Variants in GRSF1 observed in about 807,000 individuals in gnomAD.
GRSF1 encodes the protein G-rich sequence factor 1.
Under a neutral mutation model 51.1 loss-of-function variants are expected in GRSF1, and 50 were observed. The ratio of observed to expected loss-of-function variants is 0.98; its 90% CI spans 0.78 to 1.24. The LOEUF is 1.24. GRSF1 is among the 50% of genes most tolerant of loss of function. The pLI is 0.00. For missense variants in GRSF1, 700 were observed against 639.7 expected (o/e 1.09, Z -1.02); for synonymous variants, 293 against 253.3 (o/e 1.16, Z -1.49).
chr4:70,840,499 C>T (rs1408219214), upstream of GRSF1, among the ~76,000 whole-genome samples: 2 of 152,142 alleles, frequency 1.3e-5, no homozygotes, highest in South Asian at 2.1e-4. Context: ...CGGTGGCTCC[C>T]GCCTGTAATC....
chr4:70,823,151 T>C (rs776125087), intron 9 of GRSF1, among the ~76,000 whole-genome samples: 10 of 152,066 alleles, frequency 6.6e-5, no homozygotes, highest in Non-Finnish European at 1.3e-4. Flanking sequence ...ATCCCAGCAC[T>C]TTGGGAGGCC....
At chr4:70,839,028 G>A (rs190164489) in intron 1 of GRSF1, 36 of 780,468 alleles carry the variant, frequency 4.6e-5, no homozygotes, top group East Asian at 1.9e-4. Context: ...GCGGCCGACC[G>A]AGAGGCGCCG....
chr4:70,833,233 G>A lies in GRSF1; in HGVS notation c.555C>T (p.Leu185=). 2 of 1,613,838 alleles carry A rather than the reference G, an allele frequency of 1.2e-6. No individual in the cohort carries two copies. The highest frequency in any genetic ancestry group is 1.6e-4 in the Middle Eastern group (1 of 6,062). ...CCCTTCGTTTCCCATCTCTGTTTAGGAGAAAATGTATTCCATTCTCACCGT... is the reference window on the plus strand; with the variant it reads ...CCCTTCGTTTCCCATCTCTGTTTAGAAGAAAATGTATTCCATTCTCACCGT... ...IRNGENGIHF[L]LNRDGKRRGD... The change falls in exon 3 of 10, where the codon CTC becomes CTT. Residue 185 remains leucine (L), a synonymous_variant. Transcript: ENST00000254799.
At chr4:70,838,913 G>C (rs1734336059) in intron 1 of GRSF1, 1 of 338,722 alleles carries the variant, frequency 3.0e-6, no homozygotes, top group East Asian at 8.4e-5. Context: ...AGTAAACCGG[G>C]ACAGCTCGTC....
Position 70,818,641 on chromosome 4 carries a change from A to T in GRSF1, c.*2246T>A, listed in dbSNP as rs886294139. On this transcript the variant is annotated 3_prime_UTR_variant, in exon 10 of 10. Coordinates refer to ENST00000254799, the MANE Select transcript of GRSF1 (RefSeq NM_002092.4). ...TTCAGATGAGACCACAATATTCAGCAATCAGCTCCCTGGTATTTACATACT... is the reference window on the plus strand; with the variant it reads ...TTCAGATGAGACCACAATATTCAGCTATCAGCTCCCTGGTATTTACATACT... 2 of 152,236 alleles carry T rather than the reference A, an allele frequency of 1.3e-5. No homozygotes were observed. Among genetic ancestry groups the T allele is most frequent in the Non-Finnish European group, 1.5e-5 (1 of 68,058 alleles). The allele number at this position is 152,236 out of a possible 1,614,324, so 9.4% of individuals were successfully genotyped here.
chr4:70,833,324 T>G (rs1373697457), intron 2 of GRSF1, 51 bp from the exon 3 acceptor site: 23 of 1,515,232 alleles, frequency 1.5e-5, no homozygotes, highest in Non-Finnish European at 1.9e-5. Context: ...AACTTTTAGC[T>G]CAATTATGTA....
In GRSF1 at chr4:70,839,867, C is replaced by T; in HGVS notation, c.-40G>A. The T allele has an allele frequency of 1.4e-6, 2 of 1,438,336 alleles. No homozygotes were observed. Among genetic ancestry groups the T allele is most frequent in the Non-Finnish European group, 1.8e-6 (2 of 1,104,162 alleles). The allele number at this position is 1,438,336 out of a possible 1,614,324, so 89.1% of individuals were successfully genotyped here. ...GCGCAGGGCCTGAAGGCAGCTGCTC[C>T]AGCAGCGATGGTGGAACGGAAGTGG... On this transcript the variant is annotated 5_prime_UTR_variant, in exon 1 of 10. Transcript: ENST00000254799.
intron 5 of GRSF1, among the ~76,000 whole-genome samples, chr4:70,830,475 C>G (rs112747262): frequency 0.016 from 2,403 of 150,170 alleles, 79 homozygotes; most frequent in African/African-American, 0.054. Flanking sequence ...CACACACACA[C>G]AGAGAATTAT....
chr4:70,829,350 GT>G (rs71211964), intron 5 of GRSF1, among the ~76,000 whole-genome samples: 133,054 of 147,674 alleles, frequency 0.9, 61,065 homozygotes, highest in East Asian at 1. Flanking sequence ...GTTTTTTTTT[GT>G]TTTTTTTTTT....
chr4:70,837,563 C>CAAAAAA (rs11419852), intron 1 of GRSF1, among the ~76,000 whole-genome samples: 8 of 89,100 alleles, frequency 9.0e-5, no homozygotes, highest in African/African-American at 3.2e-4. Context: ...GACTCCGTCT[C>CAAAAAA]AAAAAAAAAA....
At chr4:70,831,392 T>G in intron 5 of GRSF1, 147 bp downstream of exon 5, 1 of 639,670 alleles carries the variant, frequency 1.6e-6, no homozygotes, top group Non-Finnish European at 2.5e-6. Flanking sequence ...AAAAAATTGT[T>G]AATCTAAATT....
intron 5 of GRSF1, among the ~76,000 whole-genome samples, chr4:70,829,574 A>G (rs1433009896): frequency 6.6e-6 from 1 of 152,156 alleles, no homozygotes; most frequent in African/African-American, 2.4e-5. Flanking sequence ...GGATTGCTTG[A>G]GCCCAGGAGG....
At chr4:70,825,158 T>C (rs561072243) in intron 8 of GRSF1, 138 bp downstream of exon 8, 53 of 568,700 alleles carry the variant, frequency 9.3e-5, no homozygotes, top group African/African-American at 8.5e-4. Flanking sequence ...TAGTGTTTTA[T>C]CTGTTACGTT....
intron 6 of GRSF1, 39 bp from the exon 7 acceptor site, chr4:70,826,284 G>A (rs957895288): frequency 2.4e-5 from 37 of 1,545,032 alleles, no homozygotes; most frequent in Admixed American, 8.6e-5. Context: ...AAACATAACA[G>A]CTTCAAGGGT....
At chr4:70,830,576 T>C (rs1385866970) in intron 5 of GRSF1, among the ~76,000 whole-genome samples, 3 of 152,188 alleles carry the variant, frequency 2.0e-5, no homozygotes, top group Non-Finnish European at 2.9e-5. Flanking sequence ...CCCAGCACTT[T>C]TGGAGGCCGA....
chr4:70,836,160 G>GA lies in GRSF1; in HGVS notation c.511dup (p.Ser171PhefsTer9). The stretch of plus-strand genomic sequence containing the variant: ...AATAAAACATACATAAAATATACCT[G>GA]AAAAAAAGTTAAGCACATCTTCCAT... On this transcript the variant is annotated frameshift_variant, in exon 2 of 10. Transcript: ENST00000254799. LOFTEE classifies it high-confidence loss of function. 2.7e-6 allele frequency: 4 copies of GA among 1,509,066 alleles called. No homozygotes were observed. Among genetic ancestry groups the GA allele is most frequent in the Non-Finnish European group, 3.5e-6 (4 of 1,129,774 alleles). The allele number at this position is 1,509,066 out of a possible 1,614,324, so 93.5% of individuals were successfully genotyped here.
intron 9 of GRSF1, among the ~76,000 whole-genome samples, chr4:70,821,696 CAG>C (rs1419165546): frequency 8.4e-6 from 1 of 119,158 alleles, no homozygotes; most frequent in Non-Finnish European, 1.7e-5. Context: ...TTTTTTGAGA[CAG>C]AGTTTCGTTC....
intron 9 of GRSF1, among the ~76,000 whole-genome samples, chr4:70,823,104 A>T (rs989745316): frequency 2.0e-5 from 3 of 152,114 alleles, no homozygotes; most frequent in African/African-American, 4.8e-5. Flanking sequence ...CTCAAAAAAA[A>T]TAAAAAGTAG....
chr4:70,837,828 C>G (rs886876071), intron 1 of GRSF1, among the ~76,000 whole-genome samples: 10 of 150,848 alleles, frequency 6.6e-5, no homozygotes, highest in African/African-American at 2.4e-4. Flanking sequence ...TTAGTAGACA[C>G]GGAGTTTCAC....
Sources: allele counts gnomAD v4.1 joint callset (sites outside exome capture counted in the v4.1 genomes callset), GRCh38; gene constraint gnomAD v4.1.1; transcripts MANE v1.5; gene names NCBI Gene and HGNC (gene_info 2026-07-23, HGNC 2026-07-21).